TIAM1: variants seen among roughly 807,000 people sequenced by gnomAD.
TIAM1 encodes the protein rho guanine nucleotide exchange factor TIAM1.
Under a neutral mutation model 163.5 loss-of-function variants are expected in TIAM1, and 65 were observed. The ratio of observed to expected loss-of-function variants is 0.40; its 90% CI spans 0.33 to 0.49. The LOEUF is 0.49. Among genes scored for constraint, TIAM1 ranks in the 20% least tolerant of loss-of-function variants. The pLI is 0.77. For synonymous variants in TIAM1, 833 were observed against 810.1 expected, an observed-to-expected ratio of 1.03 and a Z score of -0.48; for missense variants, 1,789 against 2,044.7, an observed-to-expected ratio of 0.87 and a Z score of 2.41.
At chr21:31,186,099 GA>G (rs1231286579) in intron 14 of TIAM1, among the ~76,000 whole-genome samples, 1 of 152,206 alleles carries the variant, frequency 6.6e-6, no homozygotes, top group Non-Finnish European at 1.5e-5. Context: ...AGGTTGCAAA[GA>G]CTTTCCAGGG....
intron 2 of TIAM1, among the ~76,000 whole-genome samples, chr21:31,290,321 G>T (rs1255236603): frequency 6.6e-6 from 1 of 151,920 alleles, no homozygotes. Flanking sequence ...AAGGCAACTT[G>T]TGGAGAACTC....
chr21:31,484,263 T>C (rs1340124223), intron 1 of TIAM1, among the ~76,000 whole-genome samples: 1 of 152,200 alleles, frequency 6.6e-6, no homozygotes, highest in East Asian at 1.9e-4. Flanking sequence ...AAGAACACTG[T>C]ACCCCAACTG....
chr21:31,431,244 A>G lies in TIAM1; in HGVS notation c.-369+32739T>C, dbSNP rs560373101. On this transcript the variant is annotated intron_variant, in intron 2 of 28. Transcript: ENST00000286827. ...ACTTCACCTCCCAAACTACTCTGAG[A>G]TGCACTCCACGTATGTTCAGTAGCT... 5.3e-5 allele frequency among the ~76,000 whole-genome samples: 8 copies of G among 152,282 alleles called. No homozygotes were observed. In the South Asian group the frequency reaches 1.7e-3, roughly 32 times the overall value.
chr21:31,173,707 C>T (rs974081690), intron 15 of TIAM1, among the ~76,000 whole-genome samples: 3 of 152,104 alleles, frequency 2.0e-5, no homozygotes, highest in Non-Finnish European at 4.4e-5. Context: ...ATAGTAACTT[C>T]TTTTTAGTCA....
chr21:31,223,758 C>A (rs2146624855), intron 7 of TIAM1, among the ~76,000 whole-genome samples, 167 bp from the exon 8 acceptor site: 1 of 152,314 alleles, frequency 6.6e-6, no homozygotes, highest in Middle Eastern at 3.4e-3. Flanking sequence ...TCTGCAAGAT[C>A]TATAGCCATA....
rs186675908 is a variant in TIAM1, at chr21:31,416,365, T to C, written c.-369+47618A>G. On this transcript the variant is annotated intron_variant, in intron 2 of 28. Coordinates refer to the TIAM1 transcript ENST00000286827. ...TAGTTTTGGGAGTACAGGTGGTTTCTGGTTACATGGATAAGTTCTTCAGTG... is the reference window on the plus strand; with the variant it reads ...TAGTTTTGGGAGTACAGGTGGTTTCCGGTTACATGGATAAGTTCTTCAGTG... Among the ~76,000 whole-genome samples, 14 of 152,338 alleles carry C rather than the reference T, an allele frequency of 9.2e-5. No homozygotes were observed. The East Asian group carries it at 2.5e-3, about 27-fold the overall frequency.
At chr21:31,187,873 G>A (rs1006439435) in intron 13 of TIAM1, among the ~76,000 whole-genome samples, 2 of 152,112 alleles carry the variant, frequency 1.3e-5, no homozygotes, top group Non-Finnish European at 2.9e-5. Context: ...TACTTTGAAT[G>A]TCCACAGTGA....
chr21:31,296,996 C>T (rs2074302270), intron 2 of TIAM1, among the ~76,000 whole-genome samples: 2 of 152,142 alleles, frequency 1.3e-5, no homozygotes, highest in African/African-American at 2.4e-5. Flanking sequence ...TTCTCAAAGG[C>T]ATATCCTTGA....
At chr21:31,251,074 G>A (rs1285149122) in intron 5 of TIAM1, among the ~76,000 whole-genome samples, 2 of 152,062 alleles carry the variant, frequency 1.3e-5, no homozygotes, top group Non-Finnish European at 2.9e-5. Flanking sequence ...TTTAAACATG[G>A]CAATTTCATA....
At chr21:31,232,176 A>G (rs2088478359) in intron 6 of TIAM1, among the ~76,000 whole-genome samples, 2 of 152,176 alleles carry the variant, frequency 1.3e-5, no homozygotes, top group South Asian at 4.1e-4. Context: ...AAAAAAGCAT[A>G]ACAATCCCCA....
At chr21:31,331,238 T>C (rs1412624974) in intron 2 of TIAM1, among the ~76,000 whole-genome samples, 1 of 152,204 alleles carries the variant, frequency 6.6e-6, no homozygotes, top group East Asian at 1.9e-4. Context: ...AAATGAATTA[T>C]GAAAGTAAGC....
At chr21:31,517,128 C>G (rs898465292) in intron 1 of TIAM1, among the ~76,000 whole-genome samples, 4 of 151,744 alleles carry the variant, frequency 2.6e-5, no homozygotes, top group Non-Finnish European at 4.4e-5. Context: ...TTGCCAAGCA[C>G]TATGTCAGGG....
intron 2 of TIAM1, among the ~76,000 whole-genome samples, chr21:31,376,675 C>T (rs995541579): frequency 2.0e-5 from 3 of 151,790 alleles, no homozygotes; most frequent in African/African-American, 7.3e-5. Flanking sequence ...ATAAAAGAAC[C>T]TTTTCCATAC....
At chr21:31,535,823 CACTCA>C (rs2048114872) in intron 1 of TIAM1, among the ~76,000 whole-genome samples, 4 of 152,256 alleles carry the variant, frequency 2.6e-5, no homozygotes, top group South Asian at 2.1e-4. Context: ...CTTGGGACAT[CACTCA>C]ACTCATCACT....
At chr21:31,296,366 G>A (rs756934339) in intron 2 of TIAM1, among the ~76,000 whole-genome samples, 1 of 151,946 alleles carries the variant, frequency 6.6e-6, no homozygotes, top group East Asian at 1.9e-4. Context: ...TCAAATTTTC[G>A]ACTATTTATA....
chr21:31,362,597 G>C (rs1464161634), intron 2 of TIAM1, among the ~76,000 whole-genome samples: 2 of 151,898 alleles, frequency 1.3e-5, no homozygotes, highest in Admixed American at 6.6e-5. Context: ...CTCCCGAGCA[G>C]CTGTGACTAC....
intron 2 of TIAM1, among the ~76,000 whole-genome samples, chr21:31,384,171 T>C (rs755119028): frequency 3.2e-4 from 48 of 151,816 alleles, no homozygotes; most frequent in Non-Finnish European, 6.5e-4. Flanking sequence ...CTCGTAAGTT[T>C]AATGAACAAA....
intron 2 of TIAM1, among the ~76,000 whole-genome samples, chr21:31,431,899 G>A (rs958182604): frequency 5.3e-5 from 8 of 152,086 alleles, no homozygotes; most frequent in Admixed American, 3.3e-4. Flanking sequence ...TCCCTTAACC[G>A]AAATGCAACA....
intron 1 of TIAM1, among the ~76,000 whole-genome samples, chr21:31,485,936 C>G (rs2046257434): frequency 6.6e-6 from 1 of 152,192 alleles, no homozygotes; most frequent in South Asian, 2.1e-4. Context: ...TTCCTCTTAG[C>G]TCTACGCCCT....
Sources: allele counts gnomAD v4.1 joint callset (sites outside exome capture counted in the v4.1 genomes callset), GRCh38; gene constraint gnomAD v4.1.1; transcripts MANE v1.5; gene names NCBI Gene and HGNC (gene_info 2026-07-23, HGNC 2026-07-21).